The following PEX13 variants were observed in gnomAD, a reference collection of about 807,000 sequenced individuals.
The protein encoded by PEX13 is peroxisomal biogenesis factor 13.
A neutral mutation model predicts 34.5 loss-of-function variants in PEX13; 28 were observed. The observed-to-expected ratio is 0.81, with a 90% confidence interval of 0.60 to 1.11. The LOEUF (loss-of-function observed/expected upper bound fraction) is 1.11. Among genes scored for constraint, PEX13 ranks in the 50% most tolerant of loss-of-function variants. PEX13 has a pLI of 0.00. For missense variants in PEX13, 550 were observed against 491.0 expected (o/e 1.12, Z -1.13); for synonymous variants, 177 against 175.1 (o/e 1.01, Z -0.09).
intron 1 of PEX13, among the ~76,000 whole-genome samples, chr2:61,024,536 G>T: frequency 6.6e-6 from 1 of 152,174 alleles, no homozygotes; most frequent in East Asian, 1.9e-4. Flanking sequence ...GAGGCCGGGT[G>T]CAGTGGCTCA....
In PEX13 at chr2:61,031,480, C is replaced by A. The variant is rs1210739309; in HGVS notation, c.154C>A (p.Pro52Thr). The change falls in exon 2 of 4, where the codon CCC (proline) becomes ACC (threonine). Residue 52 changes from proline (P) to threonine (T), a missense_variant. Transcript: ENST00000295030. ...TGGACAACCAGCACTTACCAGAGTG[C>A]CCCCACCTATTCTTCCAAGGCCATC... is the stretch of plus-strand genomic sequence containing the variant. Reference protein sequence around the residue: ...RPGQPALTRVPPPILPRPSQQ... With the variant: ...RPGQPALTRVTPPILPRPSQQ... The A allele has an allele frequency of 3.1e-6, 5 of 1,613,984 alleles. No homozygotes were observed. The highest frequency in any genetic ancestry group is 1.3e-5 in the African/African-American group (1 of 74,892).
rs770858071 is a variant in PEX13, at chr2:61,031,472, C to A, written c.146C>A (p.Thr49Asn). 11 of 1,614,114 alleles carry A rather than the reference C, an allele frequency of 6.8e-6. No individual in the cohort carries two copies. The highest frequency in any genetic ancestry group is 5.1e-6 in the Non-Finnish European group (6 of 1,179,984). Residue 49 changes from threonine (T) to asparagine (N), a missense_variant, in exon 2 of 4, where the codon ACC becomes AAC. Physicochemically the swap from Thr to Asn is moderately conservative, Grantham distance 65. Coordinates refer to ENST00000295030, the MANE Select transcript of PEX13 (RefSeq NM_002618.4). ...LMTRPGQPAL[T>N]RVPPPILPRP... ...ACAAGACCTGGACAACCAGCACTTA[C>A]CAGAGTGCCCCCACCTATTCTTCCA...
chr2:61,032,161 A>C, intron 2 of PEX13, 48 bp downstream of exon 2: 77 of 1,228,876 alleles, frequency 6.3e-5, no homozygotes, highest in Non-Finnish European at 8.2e-5. Context: ...TAACAATCTC[A>C]AATTTCAAGA....
intron 1 of PEX13, among the ~76,000 whole-genome samples, chr2:61,019,244 A>T (rs1573545721): frequency 6.6e-6 from 1 of 151,954 alleles, no homozygotes; most frequent in Admixed American, 6.5e-5. Flanking sequence ...TTTATATATT[A>T]TTTTTTGTAT....
intron 1 of PEX13, among the ~76,000 whole-genome samples, chr2:61,022,789 G>A (rs563979099): frequency 2.0e-5 from 3 of 152,078 alleles, no homozygotes; most frequent in Admixed American, 6.5e-5. Context: ...ATCCCTTTGA[G>A]TCCAGGAGTT....
At chr2:61,043,172 C>T (rs904317164) in intron 2 of PEX13, among the ~76,000 whole-genome samples, 1 of 151,828 alleles carries the variant, frequency 6.6e-6, no homozygotes, top group African/African-American at 2.4e-5. Flanking sequence ...TTACAAATTA[C>T]CCAGTCTGTA....
chr2:61,037,886 GA>G (rs1216670655), intron 2 of PEX13, among the ~76,000 whole-genome samples: 1 of 151,690 alleles, frequency 6.6e-6, no homozygotes, highest in Non-Finnish European at 1.5e-5. Context: ...AAAGAGAGAA[GA>G]ATCAAATAGA....
chr2:61,031,551 C>A lies in PEX13; in HGVS notation c.225C>A (p.Tyr75Ter). ...SSSVNTFRPA[Y>*]SSFSSGYGAY... ...GTGTGAACACTTTTAGACCTGCTTA[C>A]AGTTCATTTTCTTCTGGATATGGTG... Residue 75 changes from tyrosine to a stop codon, truncating the protein, a stop_gained, in exon 2 of 4, where the codon TAC becomes TAA. Coordinates refer to ENST00000295030, the MANE Select transcript of PEX13 (RefSeq NM_002618.4). LOFTEE classifies it high-confidence loss of function. The A allele has an allele frequency of 6.2e-7, 1 of 1,614,114 alleles. No individual in the cohort carries two copies. The highest frequency in any genetic ancestry group is 8.5e-7 in the Non-Finnish European group (1 of 1,179,988).
chr2:61,022,914 C>T (rs772537215), intron 1 of PEX13, among the ~76,000 whole-genome samples: 2 of 152,156 alleles, frequency 1.3e-5, no homozygotes, highest in Non-Finnish European at 1.5e-5. Flanking sequence ...CTGTTGCATA[C>T]ATGTTCCTAG....
intron 2 of PEX13, among the ~76,000 whole-genome samples, chr2:61,037,540 G>A (rs1204424692): frequency 6.6e-6 from 1 of 152,110 alleles, no homozygotes; most frequent in East Asian, 1.9e-4. Context: ...ACGAAATGAA[G>A]GCAGAAATAT....
chr2:61,018,348 C>A, intron 1 of PEX13: 1 of 1,503,234 alleles, frequency 6.7e-7, no homozygotes, highest in South Asian at 1.3e-5. Flanking sequence ...CATTCTTTTC[C>A]AGCATAACTC....
chr2:61,034,197 G>A (rs1339827120), intron 2 of PEX13, among the ~76,000 whole-genome samples: 5 of 151,998 alleles, frequency 3.3e-5, no homozygotes, highest in East Asian at 1.9e-4. Flanking sequence ...GGGTTTCACC[G>A]TGTTGCCCAG....
intron 2 of PEX13, among the ~76,000 whole-genome samples, chr2:61,043,837 T>C (rs1680664535): frequency 6.6e-6 from 1 of 152,068 alleles, no homozygotes; most frequent in Admixed American, 6.5e-5. Context: ...TTTTATTTTA[T>C]TTTTTTTGAG....
rs955504647 is a variant in PEX13 at position 61,018,467 on chromosome 2, G to C, written c.92+616G>C. On this transcript the variant is annotated intron_variant, in intron 1 of 3. Coordinates refer to ENST00000295030, the MANE Select transcript of PEX13 (RefSeq NM_002618.4). ...AAAATAGTGTATTTTTCTGAGGCCTGTATTTTTTTTTTGTTTGGTTTTTAA... is the reference window on the plus strand; with the variant it reads ...AAAATAGTGTATTTTTCTGAGGCCTCTATTTTTTTTTTGTTTGGTTTTTAA... 4 of 758,840 alleles carry C rather than the reference G, an allele frequency of 5.3e-6. No homozygotes were observed. In the African/African-American group the frequency reaches 7.2e-5, roughly 14 times the overall value. 47.0% of individuals were successfully genotyped at this position (758,840 alleles called of 1,614,324 possible). A position where few individuals can be genotyped will look rare whatever the true frequency, so the allele number is the denominator to read the frequency against.
At chr2:61,044,916 G>A (rs1261286185) in intron 2 of PEX13, among the ~76,000 whole-genome samples, 1 of 152,204 alleles carries the variant, frequency 6.6e-6, no homozygotes, top group Non-Finnish European at 1.5e-5. Flanking sequence ...TACAATGCCA[G>A]AGCATTTTTT....
At chr2:61,033,556 G>T (rs944630712) in intron 2 of PEX13, among the ~76,000 whole-genome samples, 5 of 152,268 alleles carry the variant, frequency 3.3e-5, no homozygotes, top group African/African-American at 1.2e-4. Flanking sequence ...GTCTAATAGG[G>T]AGAAACAGTA....
chr2:61,035,720 A>G (rs1405972763), intron 2 of PEX13, among the ~76,000 whole-genome samples: 2 of 152,170 alleles, frequency 1.3e-5, no homozygotes, highest in African/African-American at 2.4e-5. Context: ...ATGGTGGCAC[A>G]CGCCTGTAAT....
At chr2:61,045,436 G>T (rs903043799) in intron 2 of PEX13, among the ~76,000 whole-genome samples, 2 of 151,958 alleles carry the variant, frequency 1.3e-5, no homozygotes, top group Non-Finnish European at 2.9e-5. Context: ...TTTGCCTCTT[G>T]GCTTTCAAAG....
In PEX13 at chr2:61,017,786, C is replaced by G; in HGVS notation, c.27C>G (p.Pro9=). MASQPPPP[P]KPWETRRIPG... ...TGGCGTCCCAGCCGCCACCTCCCCCCAAACCCTGGGAGACCCGCCGAATTC... is the reference window on the plus strand; with the variant it reads ...TGGCGTCCCAGCCGCCACCTCCCCCGAAACCCTGGGAGACCCGCCGAATTC... Residue 9 remains proline (P), a synonymous_variant, in exon 1 of 4, where the codon CCC becomes CCG. Coordinates refer to ENST00000295030, the MANE Select transcript of PEX13 (RefSeq NM_002618.4). 3 of 1,550,296 alleles carry G rather than the reference C, an allele frequency of 1.9e-6. No homozygotes were observed. The highest frequency in any genetic ancestry group is 2.6e-6 in the Non-Finnish European group (3 of 1,146,862).
Sources: allele counts gnomAD v4.1 joint callset (sites outside exome capture counted in the v4.1 genomes callset), GRCh38; gene constraint gnomAD v4.1.1; transcripts MANE v1.5; gene names NCBI Gene and HGNC (gene_info 2026-07-23, HGNC 2026-07-21).